The following BSN variants were observed in gnomAD, a reference collection of about 807,000 sequenced individuals.
The protein encoded by BSN is bassoon presynaptic cytomatrix protein, also known as protein bassoon.
In BSN, 57 loss-of-function variants were observed where a neutral mutation model predicts 264.8. The observed-to-expected ratio is 0.22, with a 90% CI of 0.17 to 0.27. The LOEUF (loss-of-function observed/expected upper bound fraction) is 0.27, where lower values mean the gene tolerates loss of function less well. Among genes scored for constraint, BSN ranks in the 10% least tolerant of loss-of-function variants. The probability of loss-of-function intolerance (pLI) is 1.00; values close to 1 mark genes in which losing one functional copy is unlikely to be tolerated. For missense variants in BSN, 4,615 were observed against 5,232.5 expected, an observed-to-expected ratio of 0.88 and a Z score of 3.64; for synonymous variants, 2,059 against 2,137.3, an observed-to-expected ratio of 0.96 and a Z score of 1.01.
Position 49,585,516 on chromosome 3 carries a change from T to C in BSN, c.224+30690T>C, listed in dbSNP as rs1173915551. On this transcript the variant is annotated intron_variant, in intron 1 of 11. Transcript: ENST00000296452. This position sits in a 1 kb window ranked among gnomAD's most constrained non-coding sequence, Gnocchi z 4.7. ...GGCTCCCAACTAGGCGGCCTTGCACTCCGTGTGCACTGGCCACACATCCTT... is the reference window on the plus strand; with the variant it reads ...GGCTCCCAACTAGGCGGCCTTGCACCCCGTGTGCACTGGCCACACATCCTT... Among the ~76,000 whole-genome samples, 2 of 152,222 alleles carry C rather than the reference T, an allele frequency of 1.3e-5. No individual in the cohort carries two copies. The highest frequency in any genetic ancestry group is 4.1e-4 in the South Asian group (2 of 4,834).
At chr3:49,565,360 G>A (rs1291146631) in intron 1 of BSN, among the ~76,000 whole-genome samples, 1 of 114,826 alleles carries the variant, frequency 8.7e-6, no homozygotes, top group Non-Finnish European at 1.7e-5. Context: ...CTCTGTCGTC[G>A]CCCAGGCTGG....
intron 1 of BSN, among the ~76,000 whole-genome samples, chr3:49,559,798 T>G (rs1389678141): frequency 6.6e-6 from 1 of 152,250 alleles, no homozygotes; most frequent in African/African-American, 2.4e-5. Context: ...CATGTTTTTC[T>G]TGTAAACTGA....
chr3:49,570,091 C>T lies in BSN; in HGVS notation c.224+15265C>T, dbSNP rs551892232. Among the ~76,000 whole-genome samples the T allele has an allele frequency of 3.3e-5, 5 of 152,272 alleles. No homozygotes were observed. In the South Asian group the frequency reaches 1.0e-3, roughly 32 times the overall value. ...GTAGCACACGAAGCTGGCTCGGAAG[C>T]CAACAGACTGGAATAGGACTTTCCC... On this transcript the variant is annotated intron_variant, in intron 1 of 11. Coordinates refer to ENST00000296452, the MANE Select transcript of BSN (RefSeq NM_003458.4).
At chr3:49,622,893 T>A (rs772369839) in intron 1 of BSN, among the ~76,000 whole-genome samples, 2 of 152,230 alleles carry the variant, frequency 1.3e-5, no homozygotes, top group Non-Finnish European at 2.9e-5. Flanking sequence ...AAACTCTGGT[T>A]GTCTTGCTGA....
At position 49,650,845 on chromosome 3, in the gene BSN, C is replaced by A; in HGVS notation, c.1752C>A (p.Ser584Arg). ...PLSTKASPLP[S>R]KASPQAKPLR... ...CCACCAAGGCCAGCCCTCTGCCCAG[C>A]AAGGCCAGCCCCCAGGCCAAGCCCC... Residue 584 changes from serine to arginine, a missense_variant, in exon 4 of 12, where the codon AGC becomes AGA. Coordinates refer to ENST00000296452, the MANE Select transcript of BSN (RefSeq NM_003458.4). 1 of 1,614,188 alleles carries A rather than the reference C, an allele frequency of 6.2e-7. No homozygotes were observed. Among genetic ancestry groups the A allele is most frequent in the Non-Finnish European group, 8.5e-7 (1 of 1,180,010 alleles).
chr3:49,637,188 G>A (rs1029032161), intron 2 of BSN, among the ~76,000 whole-genome samples: 2 of 152,210 alleles, frequency 1.3e-5, no homozygotes, highest in Non-Finnish European at 2.9e-5. Context: ...TAGGGCTGGG[G>A]CTCTCCACAG....
chr3:49,633,889 T>G (rs1421072311), intron 2 of BSN, among the ~76,000 whole-genome samples: 11 of 151,660 alleles, frequency 7.3e-5, no homozygotes. Context: ...AGACAGAAAG[T>G]AGAATGGTAG....
In BSN at chr3:49,561,543, A is replaced by T. The variant is rs188658502; in HGVS notation, c.224+6717A>T. Among the ~76,000 whole-genome samples the T allele has an allele frequency of 2.0e-3, 312 of 152,240 alleles. 2 individuals are homozygous for T. Among genetic ancestry groups the T allele is most frequent in the East Asian group, 4.6e-3 (24 of 5,186 alleles). On this transcript the variant is annotated intron_variant, in intron 1 of 11. Transcript: ENST00000296452. ...AACAAGGGTCACTCCCATTAAAAAA[A>T]TTTTTTTAATTAATTATTTAAATTG...
intron 2 of BSN, among the ~76,000 whole-genome samples, chr3:49,627,546 A>G (rs550457901): frequency 4.6e-5 from 7 of 152,242 alleles, no homozygotes; most frequent in Admixed American, 4.6e-4. Context: ...TGATGAGAAA[A>G]CAGGTTTGCA....
At chr3:49,605,477 T>TTATATATTA (rs1334374239) in intron 1 of BSN, among the ~76,000 whole-genome samples, 60 of 5,560 alleles carry the variant, frequency 0.011, 14 homozygotes, top group Admixed American at 0.022. Context: ...ATAATATATA[T>TTATATATTA]TATATAATAT....
intron 1 of BSN, among the ~76,000 whole-genome samples, chr3:49,612,554 A>C (rs1309483445): frequency 6.6e-6 from 1 of 152,220 alleles, no homozygotes; most frequent in African/African-American, 2.4e-5. Context: ...TGGTTAGCAA[A>C]GCCAACATAT....
rs909709023 is a variant in BSN, at chr3:49,638,015, G to A, written c.634-4253G>A. 5.9e-5 allele frequency among the ~76,000 whole-genome samples: 9 copies of A among 152,222 alleles called. No individual in the cohort carries two copies. Among genetic ancestry groups the A allele is most frequent in the African/African-American group, 1.9e-4 (8 of 41,454 alleles). ...AGCCCCAGGAAGGCTCCTGAGACAC[G>A]AGGCTCGTGGCTGGTAGCCTGCACA... is the stretch of plus-strand genomic sequence containing the variant. On this transcript the variant is annotated intron_variant, in intron 2 of 11. Transcript: ENST00000296452. This position sits in a 1 kb window ranked among gnomAD's most constrained non-coding sequence, Gnocchi z 4.3.
chr3:49,651,050 C>T lies in BSN; in HGVS notation c.1957C>T (p.Pro653Ser). The T allele has an allele frequency of 6.2e-7, 1 of 1,612,702 alleles. No homozygotes were observed. The highest frequency in any genetic ancestry group is 8.5e-7 in the Non-Finnish European group (1 of 1,179,660). The change falls in exon 4 of 12, where the codon CCA becomes TCA. Residue 653 changes from proline to serine, a missense_variant. Pro to Ser is a moderately conservative substitution (Grantham distance 74). This residue lies in a region of BSN where 1,197 missense variants were observed against 1,348.0 expected (regional missense o/e 0.89). Coordinates refer to ENST00000296452, the MANE Select transcript of BSN (RefSeq NM_003458.4). The surrounding 1 kb of genome is among the most constrained non-coding windows in gnomAD (Gnocchi z 5.4). ...EPATPVVKAV[P>S]EAPKGGEAED... ...TGCCACCCCTGTCGTCAAGGCTGTTCCAGAAGCCCCCAAGGGTGGGGAGGC... is the reference window on the plus strand; with the variant it reads ...TGCCACCCCTGTCGTCAAGGCTGTTTCAGAAGCCCCCAAGGGTGGGGAGGC...
At chr3:49,575,416 A>G (rs2051836259) in intron 1 of BSN, among the ~76,000 whole-genome samples, 1 of 147,654 alleles carries the variant, frequency 6.8e-6, no homozygotes, top group African/African-American at 2.5e-5. Flanking sequence ...ATGTAAATAT[A>G]TATATGTGTA....
chr3:49,653,689 C>T lies in BSN; in HGVS notation c.4133C>T (p.Pro1378Leu), dbSNP rs754488345. ...ATAGGCATGCCCTTTTCCCAGGGCC[C>T]TGGGACCCCAGCCACCACAGCTGTG... is the stretch of plus-strand genomic sequence containing the variant. The part of the protein sequence containing the change: ...KEIGMPFSQG[P>L]GTPATTAVAP... Residue 1378 changes from proline to leucine, a missense_variant, in exon 5 of 12, where the codon CCT becomes CTT. Pro to Leu is a moderately conservative substitution (Grantham distance 98). This residue lies in a region of BSN where 3,415 missense variants were observed against 3,866.4 expected (regional missense o/e 0.88). Coordinates refer to ENST00000296452, the MANE Select transcript of BSN (RefSeq NM_003458.4). The surrounding 1 kb of genome is among the most constrained non-coding windows in gnomAD (Gnocchi z 6.3). 11 of 1,613,772 alleles carry T rather than the reference C, an allele frequency of 6.8e-6. No homozygotes were observed. In the East Asian group the frequency reaches 2.0e-4, roughly 29 times the overall value.
chr3:49,592,361 C>T (rs2051984669), intron 1 of BSN, among the ~76,000 whole-genome samples: 1 of 151,692 alleles, frequency 6.6e-6, no homozygotes, highest in Non-Finnish European at 1.5e-5. Flanking sequence ...CCACCCGCCT[C>T]AGCCTCCAAA....
chr3:49,600,901 G>A (rs1206573442), intron 1 of BSN, among the ~76,000 whole-genome samples: 1 of 152,196 alleles, frequency 6.6e-6, no homozygotes, highest in Non-Finnish European at 1.5e-5. Context: ...TGGCATGCAT[G>A]GAGGAGGGGA....
chr3:49,649,385 A>G (rs1226146915), intron 3 of BSN, among the ~76,000 whole-genome samples: 1 of 152,204 alleles, frequency 6.6e-6, no homozygotes, highest in Non-Finnish European at 1.5e-5. Context: ...ATGGAGCACT[A>G]AGGCTCTGCG....
At chr3:49,618,997 C>G (rs2052282549) in intron 1 of BSN, among the ~76,000 whole-genome samples, 1 of 152,148 alleles carries the variant, frequency 6.6e-6, no homozygotes, top group Admixed American at 6.5e-5. Flanking sequence ...AATATGAACA[C>G]CTGTGGACCC....
Sources: gnomAD v4.1 joint callset for allele counts (sites outside exome capture counted in the v4.1 genomes callset) on GRCh38, gnomAD v4.1.1 for gene constraint, gnomAD v4.1.1 regional missense constraint, Gnocchi (gnomAD v3.1) non-coding constraint, MANE v1.5 for transcripts, NCBI Gene and HGNC (gene_info 2026-07-23, HGNC 2026-07-21) for gene names.